The following NFAT5 variants were observed in gnomAD, a reference collection of about 807,000 sequenced individuals.
NFAT5 encodes nuclear factor of activated T-cells 5.
In NFAT5, 31 loss-of-function variants were observed where a neutral mutation model predicts 166.5. That is an observed-to-expected ratio of 0.19 (90% CI 0.14 to 0.25). The LOEUF (loss-of-function observed/expected upper bound fraction) is 0.25, where lower values mean the gene tolerates loss of function less well. Among genes scored for constraint, NFAT5 ranks in the 10% least tolerant of loss-of-function variants. The pLI, the probability that NFAT5 is intolerant of heterozygous loss-of-function variation, is 1.00. For missense variants in NFAT5, 1,449 were observed against 1,821.8 expected, an observed-to-expected ratio of 0.80 and a Z score of 3.72; for synonymous variants, 612 against 639.7, an observed-to-expected ratio of 0.96 and a Z score of 0.65.
At chr16:69,625,841 CT>C (rs2034431038) in intron 2 of NFAT5, among the ~76,000 whole-genome samples, 1 of 151,552 alleles carries the variant, frequency 6.6e-6, no homozygotes, top group Non-Finnish European at 1.5e-5. Flanking sequence ...ATGTTAATAA[CT>C]TTTTCTAGAG....
chr16:69,686,045 A>G (rs2037286978), intron 11 of NFAT5: 1 of 149,904 alleles, frequency 6.7e-6, no homozygotes. Flanking sequence ...AACTATCTCC[A>G]AAAAAGAAAG....
At chr16:69,648,564 A>C in intron 4 of NFAT5, 1 of 984,942 alleles carries the variant, frequency 1.0e-6, no homozygotes, top group Non-Finnish European at 1.2e-6. Context: ...CAGTCACACT[A>C]CCCACTAATA....
At chr16:69,628,432 CAG>C (rs1257676069) in intron 3 of NFAT5, among the ~76,000 whole-genome samples, 1 of 151,990 alleles carries the variant, frequency 6.6e-6, no homozygotes, top group Non-Finnish European at 1.5e-5. Flanking sequence ...TAGTCACACA[CAG>C]AAAGTTTATA....
In NFAT5 at chr16:69,694,061, A is replaced by G. The variant is rs142219276; in HGVS notation, c.4236A>G (p.Gln1412=). The part of the protein sequence containing the change: ...LQTSINQQDM[Q]QSPLYSPQNN... Reference sequence around the variant, plus strand: ...CCAGTATAAATCAACAAGATATGCAACAGTCTCCTCTTTATTCCCCTCAGA... The same window carrying G: ...CCAGTATAAATCAACAAGATATGCAGCAGTCTCCTCTTTATTCCCCTCAGA... The change falls in exon 13 of 15, where the codon CAA becomes CAG. Residue 1412 remains glutamine, a synonymous_variant. Coordinates refer to ENST00000349945, the MANE Select transcript of NFAT5 (RefSeq NM_138713.4). 696 of 1,614,192 alleles carry G rather than the reference A, an allele frequency of 4.3e-4. 1 individual carries two copies. The highest frequency in any genetic ancestry group is 5.6e-4 in the Non-Finnish European group (664 of 1,180,034).
Position 69,566,352 on chromosome 16 carries a change from G to A in NFAT5, c.51G>A (p.Ser17=). ...TCAGCGCGGACCTAGACCTGGAATC[G>A]CCCAAGTCCCTCTACTCGCGAGGTG... ...SLLSADLDLE[S]PKSLYSRDSL... The change falls in exon 1 of 15, where the codon TCG becomes TCA. Residue 17 remains serine, a synonymous_variant. Transcript: ENST00000349945. This position sits in a 1 kb window ranked among gnomAD's most constrained non-coding sequence, Gnocchi z 5.7. The A allele has an allele frequency of 6.2e-7, 1 of 1,603,654 alleles. No homozygotes were observed. The highest frequency in any genetic ancestry group is 8.5e-7 in the Non-Finnish European group (1 of 1,175,566).
intron 3 of NFAT5, among the ~76,000 whole-genome samples, chr16:69,634,566 C>A (rs923863472): frequency 5.9e-5 from 9 of 151,960 alleles, no homozygotes; most frequent in African/African-American, 2.2e-4. Flanking sequence ...ATTTATTTAG[C>A]CCACTCAGGT....
intron 2 of NFAT5, among the ~76,000 whole-genome samples, chr16:69,600,726 G>A (rs2033082579): frequency 7.0e-6 from 1 of 143,130 alleles, no homozygotes; most frequent in Non-Finnish European, 1.5e-5. Context: ...ATCATCATGA[G>A]GAACTGGGGA....
chr16:69,680,684 A>C (rs1597538011), intron 10 of NFAT5, among the ~76,000 whole-genome samples: 1 of 152,094 alleles, frequency 6.6e-6, no homozygotes, highest in Admixed American at 6.6e-5. Flanking sequence ...AATACAATCT[A>C]ATGTCTTAGC....
chr16:69,576,218 G>T (rs980328719), intron 2 of NFAT5, among the ~76,000 whole-genome samples: 1 of 150,550 alleles, frequency 6.6e-6, no homozygotes, highest in Non-Finnish European at 1.5e-5. Flanking sequence ...CTTGAACCCG[G>T]AAGGTGGAGC....
At chr16:69,661,539 TAAAAAAAAAA>T (rs1037382239) in intron 7 of NFAT5, among the ~76,000 whole-genome samples, 29 of 37,940 alleles carry the variant, frequency 7.6e-4, no homozygotes, top group African/African-American at 2.7e-3. Flanking sequence ...CCCAGTCTCT[TAAAAAAAAAA>T]AAAAAAAAAA....
At chr16:69,623,462 G>C (rs1403732899) in intron 2 of NFAT5, among the ~76,000 whole-genome samples, 1 of 151,106 alleles carries the variant, frequency 6.6e-6, no homozygotes, top group Non-Finnish European at 1.5e-5. Context: ...CAAGTAGCTG[G>C]GATTACAGGT....
At chr16:69,689,645 G>A (rs541562004) in intron 11 of NFAT5, among the ~76,000 whole-genome samples, 3 of 152,336 alleles carry the variant, frequency 2.0e-5, no homozygotes, top group African/African-American at 4.8e-5. Flanking sequence ...CTGGATTCAA[G>A]CAATTCTTGT....
intron 2 of NFAT5, among the ~76,000 whole-genome samples, chr16:69,622,043 A>G (rs922944375): frequency 2.6e-5 from 4 of 152,224 alleles, no homozygotes; most frequent in African/African-American, 9.7e-5. Context: ...TGGAGACTGT[A>G]AAAGCATTTA....
At chr16:69,688,861 G>C (rs2037436233) in intron 11 of NFAT5, among the ~76,000 whole-genome samples, 1 of 152,056 alleles carries the variant, frequency 6.6e-6, no homozygotes, top group Non-Finnish European at 1.5e-5. Flanking sequence ...AATAGTAGTT[G>C]ACTATTACAG....
At chr16:69,679,431 C>T (rs1422944137) in intron 10 of NFAT5, among the ~76,000 whole-genome samples, 4 of 151,720 alleles carry the variant, frequency 2.6e-5, no homozygotes, top group Non-Finnish European at 4.4e-5. Context: ...GCCTGGCCAA[C>T]ATGGTGAAAC....
Position 69,695,321 on chromosome 16 carries a change from T to A in NFAT5, c.4600T>A (p.Leu1534Met). 6.2e-7 allele frequency: 1 copy of A among 1,614,220 alleles called. No homozygotes were observed. Among genetic ancestry groups the A allele is most frequent in the Non-Finnish European group, 8.5e-7 (1 of 1,180,034 alleles). ...CAACCAGAACATCGAAAAGATTGAT[T>A]TGCTTGTTTCATTGCAAAACCAAGG... ...NTNQNIEKIDLLVSLQNQGNN... is the reference protein window; with the variant it reads ...NTNQNIEKIDMLVSLQNQGNN... The change falls in exon 14 of 15, where the codon TTG (leucine) becomes ATG (methionine). Residue 1534 changes from leucine to methionine, a missense_variant. Leu to Met is a conservative substitution (Grantham distance 15, BLOSUM62 2). Around this residue, in one of 7 missense-constraint regions of NFAT5, gnomAD observed 891 missense variants for 993.0 expected, o/e 0.90. Coordinates refer to ENST00000349945, the MANE Select transcript of NFAT5 (RefSeq NM_138713.4).
intron 2 of NFAT5, among the ~76,000 whole-genome samples, chr16:69,621,195 A>C (rs2034180059): frequency 6.6e-6 from 1 of 151,924 alleles, no homozygotes; most frequent in Non-Finnish European, 1.5e-5. Flanking sequence ...GCACTGTTAG[A>C]TACCCTGCTT....
At chr16:69,602,914 G>A (rs113858186) in intron 2 of NFAT5, among the ~76,000 whole-genome samples, 3 of 151,710 alleles carry the variant, frequency 2.0e-5, no homozygotes, top group African/African-American at 7.3e-5. Flanking sequence ...CCTGGCCTTG[G>A]TTATCTTTTT....
rs558303674 is a variant in NFAT5 at position 69,569,257 on chromosome 16, A to G, written c.127+709A>G. 3.3e-4 allele frequency among the ~76,000 whole-genome samples: 50 copies of G among 151,884 alleles called. No individual in the cohort carries two copies. In the Middle Eastern group the frequency reaches 0.014, roughly 41 times the overall value. On this transcript the variant is annotated intron_variant, in intron 2 of 14. Transcript: ENST00000349945. ...CATCTTTAAATCTTTATAATTTTGG[A>G]ATTGGACAGCAAAGGTACTAATTTC...
Sources: allele counts gnomAD v4.1 joint callset (sites outside exome capture counted in the v4.1 genomes callset), GRCh38; gene constraint gnomAD v4.1.1; regional missense constraint gnomAD v4.1.1; non-coding constraint Gnocchi (gnomAD v3.1); transcripts MANE v1.5; gene names NCBI Gene and HGNC (gene_info 2026-07-23, HGNC 2026-07-21).